PIK3C2A: variants seen among roughly 807,000 people sequenced by gnomAD.
PIK3C2A encodes phosphatidylinositol 4-phosphate 3-kinase C2 domain-containing subunit alpha.
Under a neutral mutation model 204.5 loss-of-function variants are expected in PIK3C2A, and 97 were observed. The ratio of observed to expected loss-of-function variants is 0.47; its 90% CI spans 0.40 to 0.56. PIK3C2A has a LOEUF of 0.56. Among genes scored for constraint, PIK3C2A ranks in the 20% least tolerant of loss-of-function variants. The pLI, the probability that PIK3C2A is intolerant of heterozygous loss-of-function variation, is 0.00. For missense variants in PIK3C2A, 1,735 were observed against 1,969.2 expected (o/e 0.88, Z 2.25); for synonymous variants, 653 against 664.4 (o/e 0.98, Z 0.26).
chr11:17,192,132 G>A lies in PIK3C2A; in HGVS notation c.-66+15716C>T, dbSNP rs898107956. ...TGCACTCCAGCCAGGGTAACAGAGC[G>A]AGACCCCTGTCTCAATAAATAAATA... On this transcript the variant is annotated intron_variant, in intron 1 of 32. Transcript: ENST00000691414. 8.5e-5 allele frequency among the ~76,000 whole-genome samples: 13 copies of A among 152,178 alleles called. No homozygotes were observed. In the East Asian group the frequency reaches 2.1e-3, roughly 25 times the overall value.
intron 12 of PIK3C2A, among the ~76,000 whole-genome samples, chr11:17,130,800 C>T (rs766234024): frequency 7.0e-6 from 1 of 142,544 alleles, no homozygotes; most frequent in Non-Finnish European, 1.5e-5. Flanking sequence ...GAGTGAGACT[C>T]CATCTCAAAA....
intron 24 of PIK3C2A, 26 bp from the exon 25 acceptor site, chr11:17,101,460 A>G: frequency 7.2e-7 from 1 of 1,388,286 alleles, no homozygotes; most frequent in East Asian, 2.3e-5. Flanking sequence ...GTACATACAA[A>G]ATATTATTTA....
intron 8 of PIK3C2A, among the ~76,000 whole-genome samples, chr11:17,137,518 C>T (rs1029588854): frequency 2.7e-5 from 4 of 147,436 alleles, no homozygotes; most frequent in Non-Finnish European, 4.5e-5. Flanking sequence ...AAGTGATTCT[C>T]CTGCCTCAGC....
Position 17,100,181 on chromosome 11 carries a change from A to G in PIK3C2A, c.4009-212T>C, listed in dbSNP as rs1848576838. ...CAAGCAATTTGTTGGTGGTGGTCAA[A>G]AACCCAGTTTATAGAATTAAACCTG... is the stretch of plus-strand genomic sequence containing the variant. On this transcript the variant is annotated intron_variant, in intron 25 of 32. Transcript: ENST00000691414. Among the ~76,000 whole-genome samples the G allele has an allele frequency of 3.5e-5, 5 of 142,264 alleles. No individual in the cohort carries two copies. The South Asian group carries it at 8.5e-4, about 24-fold the overall frequency. 93.3% of individuals were successfully genotyped at this position (142,264 alleles called of 152,430 possible). A position where few individuals can be genotyped will look rare whatever the true frequency, so the allele number is the denominator to read the frequency against.
At chr11:17,105,024 C>G in intron 23 of PIK3C2A, 145 bp downstream of exon 23, 1 of 615,114 alleles carries the variant, frequency 1.6e-6, no homozygotes. Flanking sequence ...GTTTTACATT[C>G]TTTCCTATAC....
intron 2 of PIK3C2A, among the ~76,000 whole-genome samples, chr11:17,160,235 C>G (rs539992358): frequency 3.9e-5 from 6 of 151,978 alleles, no homozygotes; most frequent in Non-Finnish European, 5.9e-5. Flanking sequence ...AAGCACTGGC[C>G]AAGGGAAAAC....
intron 2 of PIK3C2A, among the ~76,000 whole-genome samples, chr11:17,156,377 CAA>C (rs1367379953): frequency 1.3e-5 from 2 of 152,136 alleles, no homozygotes; most frequent in African/African-American, 2.4e-5. Flanking sequence ...CTATGGCACA[CAA>C]AAAGACTTTT....
chr11:17,158,491 T>A (rs1287478033), intron 2 of PIK3C2A, among the ~76,000 whole-genome samples: 1 of 151,964 alleles, frequency 6.6e-6, no homozygotes, highest in Non-Finnish European at 1.5e-5. Flanking sequence ...GAGGCACAGA[T>A]GAGTTAATTA....
intron 2 of PIK3C2A, among the ~76,000 whole-genome samples, chr11:17,158,671 G>A (rs1357892095): frequency 6.6e-6 from 1 of 152,108 alleles, no homozygotes; most frequent in East Asian, 1.9e-4. Context: ...TGTGGGAGCA[G>A]TGCTGGGAAA....
At chr11:17,181,317 T>C (rs534994010) in intron 1 of PIK3C2A, among the ~76,000 whole-genome samples, 2 of 150,456 alleles carry the variant, frequency 1.3e-5, no homozygotes, top group African/African-American at 2.4e-5. Context: ...CCTGAAGTTA[T>C]CTAAGAGCCC....
At chr11:17,154,084 CGTGT>C (rs148115451) in intron 3 of PIK3C2A, among the ~76,000 whole-genome samples, 9 of 150,864 alleles carry the variant, frequency 6.0e-5, no homozygotes, top group South Asian at 2.1e-4. Flanking sequence ...TAAGTGTGTG[CGTGT>C]GTGTGTGTGT....
chr11:17,130,017 T>G (rs1320840942), intron 12 of PIK3C2A, among the ~76,000 whole-genome samples: 1 of 152,236 alleles, frequency 6.6e-6, no homozygotes, highest in African/African-American at 2.4e-5. Flanking sequence ...TTTAAAGACT[T>G]ACAAATGCCT....
rs758388238 is a variant in PIK3C2A, at chr11:17,097,138, T to G, written c.4245A>C (p.Thr1415=). 1 of 1,610,912 alleles carries G rather than the reference T, an allele frequency of 6.2e-7. No homozygotes were observed. Among genetic ancestry groups the G allele is most frequent in the African/African-American group, 1.3e-5 (1 of 74,982 alleles). ...DEPILSFSPK[T]YSFRQDGRIK... is the part of the protein sequence containing the mutation. ...TTCGACCATCTTGTCTAAAGGAGTA[T>G]GTTTTAGGTGAAAATGAAAGGATGG... The change falls in exon 27 of 33, where the codon ACA becomes ACC. Residue 1415 remains threonine, a synonymous_variant. Transcript: ENST00000691414.
chr11:17,097,061 T>C lies in PIK3C2A; in HGVS notation c.4322A>G (p.His1441Arg). ...GAATATTGAAATCAAACTTACATAA[T>C]GTTTATCTGGGTTGTATTTCTTATG... ...TYHKKYNPDK[H>R]YIYVVRILRE... Residue 1441 changes from histidine (H) to arginine (R), a missense_variant, in exon 27 of 33, where the codon CAT becomes CGT. Physicochemically the swap from His to Arg is conservative, Grantham distance 29. Around this residue, in one of 6 missense-constraint regions of PIK3C2A, gnomAD observed 503 missense variants for 669.0 expected, o/e 0.75. Transcript: ENST00000691414. 1 of 1,527,516 alleles carries C rather than the reference T, an allele frequency of 6.5e-7. No individual in the cohort carries two copies. The highest frequency in any genetic ancestry group is 9.1e-7 in the Non-Finnish European group (1 of 1,101,954). The allele number at this position is 1,527,516 out of a possible 1,614,324, so 94.6% of individuals were successfully genotyped here.
intron 3 of PIK3C2A, among the ~76,000 whole-genome samples, chr11:17,152,959 A>C (rs1476522584): frequency 6.6e-6 from 1 of 152,176 alleles, no homozygotes; most frequent in Non-Finnish European, 1.5e-5. Context: ...GAAAACATAC[A>C]GGAAGTTTTT....
At chr11:17,139,745 GA>G (rs1184143026) in intron 8 of PIK3C2A, among the ~76,000 whole-genome samples, 2 of 152,128 alleles carry the variant, frequency 1.3e-5, no homozygotes, top group Non-Finnish European at 2.9e-5. Context: ...GTATCCTATT[GA>G]AACCTTAACC....
At position 17,089,667 on chromosome 11, in the gene PIK3C2A, C is replaced by CTG; in HGVS notation, c.*69_*70dup. 7.3e-5 allele frequency: 60 copies of CTG among 816,674 alleles called. No individual in the cohort carries two copies. The highest frequency in any genetic ancestry group is 9.4e-5 in the Non-Finnish European group (47 of 502,652). The allele number at this position is 816,674 out of a possible 1,614,324, so 50.6% of individuals were successfully genotyped here. On this transcript the variant is annotated 3_prime_UTR_variant, in exon 33 of 33. Transcript: ENST00000691414. Reference sequence around the variant, plus strand: ...AATTAACAAGTGTGTGTGTGTGTGTCTGTGTGTGTGTGCATGTATGCATGC... The same window carrying CTG: ...AATTAACAAGTGTGTGTGTGTGTGTCTGTGTGTGTGTGTGCATGTATGCATGC...
chr11:17,140,547 G>A (rs1202428853), intron 8 of PIK3C2A, among the ~76,000 whole-genome samples: 1 of 152,154 alleles, frequency 6.6e-6, no homozygotes, highest in Non-Finnish European at 1.5e-5. Flanking sequence ...AAAGAAACCA[G>A]ATGTAAAAAA....
At chr11:17,151,141 T>C (rs569154364) in intron 3 of PIK3C2A, among the ~76,000 whole-genome samples, 1 of 152,306 alleles carries the variant, frequency 6.6e-6, no homozygotes, top group Admixed American at 6.5e-5. Context: ...GAACAAAATA[T>C]AGACAATGGT....
Sources: allele counts gnomAD v4.1 joint callset (sites outside exome capture counted in the v4.1 genomes callset), GRCh38; gene constraint gnomAD v4.1.1; regional missense constraint gnomAD v4.1.1; transcripts MANE v1.5; gene names NCBI Gene and HGNC (gene_info 2026-07-23, HGNC 2026-07-21).